Variants in BLTP1 observed in about 807,000 individuals in gnomAD.
BLTP1 encodes the protein bridge-like lipid transfer protein family member 1, also known as fragile site-associated protein.
At chr4:122,158,569 C>CATCCT in the BLTP1 span, among the ~76,000 whole-genome samples, 1 of 151,938 alleles carries the variant, frequency 6.6e-6, no homozygotes, top group African/African-American at 2.4e-5. Flanking sequence ...AGATTGAGAC[C>CATCCT]ATCCTGGCTA....
chr4:122,205,386 A>G, the BLTP1 span, among the ~76,000 whole-genome samples: 1 of 151,804 alleles, frequency 6.6e-6, no homozygotes, highest in Non-Finnish European at 1.5e-5. Context: ...AAAACTGATA[A>G]CATTTAAGTC....
chr4:122,221,096 T>A, the BLTP1 span: 1 of 973,410 alleles, frequency 1.0e-6, no homozygotes, highest in Non-Finnish European at 1.2e-6. Context: ...TTGTGTGATT[T>A]AGAAATATAA....
chr4:122,263,234 A>G, the BLTP1 span: 2 of 985,206 alleles, frequency 2.0e-6, no homozygotes, highest in Non-Finnish European at 2.4e-6. Context: ...TACTGTCTAG[A>G]CCAGCAACAT....
At chr4:122,193,911 G>A in the BLTP1 span, among the ~76,000 whole-genome samples, 1 of 151,942 alleles carries the variant, frequency 6.6e-6, no homozygotes, top group African/African-American at 2.4e-5. Context: ...CGCCCAGGCT[G>A]GAGTGCAGTG....
At chr4:122,344,734 T>C in the BLTP1 span, 1 of 1,271,618 alleles carries the variant, frequency 7.9e-7, no homozygotes, top group Non-Finnish European at 1.0e-6. Context: ...AAGTAATAAA[T>C]GTTAGGAATA....
the BLTP1 span, among the ~76,000 whole-genome samples, chr4:122,221,564 GTCT>G: frequency 6.6e-6 from 1 of 151,978 alleles, no homozygotes; most frequent in Admixed American, 6.6e-5. Flanking sequence ...GTAGTTCTAG[GTCT>G]TCTTATCATG....
At chr4:122,289,288 C>T in the BLTP1 span, 997 of 909,998 alleles carry the variant, frequency 1.1e-3, 4 homozygotes, top group African/African-American at 0.014. Flanking sequence ...ATTGATCCAG[C>T]ATTTGGATAT....
the BLTP1 span, chr4:122,152,342 C>T: frequency 1.0e-6 from 1 of 985,702 alleles, no homozygotes; most frequent in Non-Finnish European, 1.2e-6. Context: ...CAGTGCCGCC[C>T]GGCCTCGGTT....
chr4:122,292,315 C>A, the BLTP1 span: 1 of 926,162 alleles, frequency 1.1e-6, no homozygotes, highest in Non-Finnish European at 1.3e-6. Flanking sequence ...TGAACAGACA[C>A]AAAGCCATTA....
chr4:122,327,910 G>T, the BLTP1 span: 5 of 327,870 alleles, frequency 1.5e-5, no homozygotes, highest in Non-Finnish European at 2.2e-5. Flanking sequence ...TGTCAGTAGT[G>T]TAACTTTCTG....
chr4:122,224,465 T>C, the BLTP1 span: 5 of 1,584,946 alleles, frequency 3.2e-6, no homozygotes, highest in Admixed American at 1.8e-5. Context: ...GATTTTCTTA[T>C]ACATTTTACA....
the BLTP1 span, chr4:122,235,577 G>C: frequency 2.1e-6 from 1 of 487,592 alleles, no homozygotes; most frequent in Non-Finnish European, 2.7e-6. Context: ...AGGCCAAGGT[G>C]GGCGGATCAC....
At chr4:122,216,498 A>G in the BLTP1 span, among the ~76,000 whole-genome samples, 1 of 152,094 alleles carries the variant, frequency 6.6e-6, no homozygotes. Flanking sequence ...TTTTGATTGC[A>G]TTTCCCTAAT....
At chr4:122,231,860 T>A in the BLTP1 span, 3 of 956,862 alleles carry the variant, frequency 3.1e-6, no homozygotes, top group Non-Finnish European at 3.7e-6. Flanking sequence ...AAAAAGAAAA[T>A]CTGTTGAGAT....
At chr4:122,298,253 T>C in the BLTP1 span, 11 of 944,724 alleles carry the variant, frequency 1.2e-5, no homozygotes, top group Admixed American at 6.2e-5. Context: ...TGATCACCTA[T>C]TGTGTTGTGT....
At chr4:122,348,921 A>G in the BLTP1 span, 1 of 540,996 alleles carries the variant, frequency 1.8e-6, no homozygotes, top group Non-Finnish European at 3.1e-6. Flanking sequence ...TTCTATAAAA[A>G]GGGAATCAAT....
chr4:122,216,828 A>G, the BLTP1 span, among the ~76,000 whole-genome samples: 1 of 152,086 alleles, frequency 6.6e-6, no homozygotes, highest in Admixed American at 6.6e-5. Context: ...TTGGTGAAGA[A>G]TTCTTTGCCT....
chr4:122,315,313 A>T, the BLTP1 span: 1 of 1,048,678 alleles, frequency 9.5e-7, no homozygotes, highest in South Asian at 1.6e-5. Flanking sequence ...CACTGTACAC[A>T]TAGAGAAATC....
the BLTP1 span, chr4:122,316,516 T>C: frequency 1.8e-6 from 1 of 558,346 alleles, no homozygotes; most frequent in Non-Finnish European, 3.4e-6. Flanking sequence ...CCAGTCCCAT[T>C]TGAAAGCATG....
Sources: gnomAD v4.1 joint callset for allele counts (sites outside exome capture counted in the v4.1 genomes callset) on GRCh38, gnomAD v4.1.1 for gene constraint, MANE v1.5 for transcripts, NCBI Gene and HGNC (gene_info 2026-07-23, HGNC 2026-07-21) for gene names.